The following BLTP3B variants were observed in gnomAD, a reference collection of about 807,000 sequenced individuals.
BLTP3B encodes the protein bridge-like lipid transfer protein family member 3B.
chr12:100,072,763 G>A, the BLTP3B span: 1 of 1,605,508 alleles, frequency 6.2e-7, no homozygotes, highest in Non-Finnish European at 8.5e-7. Flanking sequence ...ATTTTTTATT[G>A]CAGCAAATCA....
At chr12:100,134,836 T>C in the BLTP3B span, among the ~76,000 whole-genome samples, 7 of 152,316 alleles carry the variant, frequency 4.6e-5, no homozygotes, top group East Asian at 1.3e-3. Flanking sequence ...ATCTTACCTG[T>C]CGGTCAATCC....
At chr12:100,048,004 T>C in the BLTP3B span, 1 of 1,603,052 alleles carries the variant, frequency 6.2e-7, no homozygotes, top group Non-Finnish European at 8.5e-7. Context: ...TGCAACAGTT[T>C]CATCTTCCAA....
chr12:100,131,899 C>G, the BLTP3B span, among the ~76,000 whole-genome samples: 1 of 152,224 alleles, frequency 6.6e-6, no homozygotes, highest in Non-Finnish European at 1.5e-5. Context: ...AAGCAATTCT[C>G]CTGCCTCAGC....
At chr12:100,061,980 G>A in the BLTP3B span, among the ~76,000 whole-genome samples, 2 of 152,156 alleles carry the variant, frequency 1.3e-5, no homozygotes, top group Non-Finnish European at 2.9e-5. Flanking sequence ...GGTAAAATGA[G>A]TTCACTGGGT....
chr12:100,116,663 C>T, the BLTP3B span, among the ~76,000 whole-genome samples: 1 of 152,096 alleles, frequency 6.6e-6, no homozygotes, highest in Admixed American at 6.6e-5. Context: ...ACTAAAATTG[C>T]TTTTCCCCTA....
chr12:100,121,929 A>G, the BLTP3B span, among the ~76,000 whole-genome samples: 2 of 152,200 alleles, frequency 1.3e-5, no homozygotes, highest in East Asian at 3.9e-4. Context: ...AGATATATAC[A>G]TACTATATAT....
chr12:100,059,702 A>T, the BLTP3B span: 1 of 1,092,274 alleles, frequency 9.2e-7, no homozygotes, highest in Non-Finnish European at 1.3e-6. Flanking sequence ...TATTAAATTG[A>T]GTAAAGGGGA....
the BLTP3B span, among the ~76,000 whole-genome samples, chr12:100,047,173 A>G: frequency 2.9e-3 from 441 of 152,268 alleles, 5 homozygotes; most frequent in Middle Eastern, 0.01. Flanking sequence ...AAACAATTTA[A>G]CTTCGAAATT....
chr12:100,060,384 T>C, the BLTP3B span, among the ~76,000 whole-genome samples: 1 of 152,204 alleles, frequency 6.6e-6, no homozygotes, highest in Non-Finnish European at 1.5e-5. Flanking sequence ...AGGTTGTATT[T>C]ACCAAGAAGC....
At chr12:100,090,578 T>C in the BLTP3B span, among the ~76,000 whole-genome samples, 20 of 152,298 alleles carry the variant, frequency 1.3e-4, no homozygotes, top group African/African-American at 4.8e-4. Context: ...TTACACATAT[T>C]ACATCTATGA....
the BLTP3B span, among the ~76,000 whole-genome samples, chr12:100,081,341 T>C: frequency 6.6e-6 from 1 of 152,200 alleles, no homozygotes; most frequent in Non-Finnish European, 1.5e-5. Flanking sequence ...GTCTTTCTAG[T>C]GAATTTTGAA....
the BLTP3B span, among the ~76,000 whole-genome samples, chr12:100,103,579 G>T: frequency 6.6e-6 from 1 of 152,046 alleles, no homozygotes; most frequent in South Asian, 2.1e-4. Context: ...TAATTTACTA[G>T]ATCACTAAAA....
chr12:100,066,030 T>A, the BLTP3B span, among the ~76,000 whole-genome samples: 1 of 152,290 alleles, frequency 6.6e-6, no homozygotes, highest in Non-Finnish European at 1.5e-5. Flanking sequence ...TCTCTTTATT[T>A]CTCAGATTGG....
the BLTP3B span, among the ~76,000 whole-genome samples, chr12:100,114,619 T>C: frequency 6.6e-6 from 1 of 152,198 alleles, no homozygotes; most frequent in Non-Finnish European, 1.5e-5. Context: ...TTCAAAACAA[T>C]ACTTTCAGAT....
At chr12:100,066,783 G>A in the BLTP3B span, among the ~76,000 whole-genome samples, 37 of 150,464 alleles carry the variant, frequency 2.5e-4, no homozygotes, top group South Asian at 5.7e-3. Flanking sequence ...CAGCCTAGGC[G>A]ACAGAGCAAG....
At chr12:100,041,058 T>A in the BLTP3B span, among the ~76,000 whole-genome samples, 1 of 152,146 alleles carries the variant, frequency 6.6e-6, no homozygotes, top group African/African-American at 2.4e-5. Flanking sequence ...GACATAATCA[T>A]CAACAAAATG....
chr12:100,100,431 C>A, the BLTP3B span, among the ~76,000 whole-genome samples: 6 of 152,048 alleles, frequency 3.9e-5, no homozygotes, highest in Non-Finnish European at 7.4e-5. Context: ...GACTTTTTGG[C>A]TGGGCACAGT....
chr12:100,047,713 T>C, the BLTP3B span: 2 of 1,177,752 alleles, frequency 1.7e-6, no homozygotes, highest in Non-Finnish European at 2.5e-6. Flanking sequence ...ATAACACATG[T>C]ATCTTTATAT....
the BLTP3B span, chr12:100,088,882 C>A: frequency 4.1e-6 from 6 of 1,468,082 alleles, no homozygotes; most frequent in South Asian, 3.0e-5. Context: ...TCTAGAAAAA[C>A]CAAAATAGTT....
Sources: allele counts gnomAD v4.1 joint callset (sites outside exome capture counted in the v4.1 genomes callset), GRCh38; gene constraint gnomAD v4.1.1; transcripts MANE v1.5; gene names NCBI Gene and HGNC (gene_info 2026-07-23, HGNC 2026-07-21).